The following DNAH11 variants were observed in gnomAD, a reference collection of about 807,000 sequenced individuals.
DNAH11 encodes the protein axonemal beta dynein heavy chain 11.
Under a neutral mutation model 526.0 loss-of-function variants are expected in DNAH11, and 442 were observed. That is an observed-to-expected ratio of 0.84 (90% CI 0.78 to 0.91). The LOEUF (loss-of-function observed/expected upper bound fraction) is 0.91. Among genes scored for constraint, DNAH11 ranks in the 40% least tolerant of loss-of-function variants. The probability of loss-of-function intolerance (pLI) is 0.00; values close to 1 mark genes in which losing one functional copy is unlikely to be tolerated. For missense variants in DNAH11, 6,989 were observed against 5,448.7 expected, an observed-to-expected ratio of 1.28 and a Z score of -8.90; for synonymous variants, 2,461 against 1,935.9, an observed-to-expected ratio of 1.27 and a Z score of -7.12.
chr7:21,765,599 G>C lies in DNAH11; in HGVS notation c.9102+10G>C. ...AACCAAGGGAATTGAGGTATGCCGT[G>C]TCAGCCTGCGTCACACACACACACA... On this transcript the variant is annotated intron_variant, in intron 55 of 81. Coordinates refer to ENST00000409508, the MANE Select transcript of DNAH11 (RefSeq NM_001277115.2). 3 of 1,524,594 alleles carry C rather than the reference G, an allele frequency of 2.0e-6. No individual in the cohort carries two copies. The highest frequency in any genetic ancestry group is 1.9e-4 in the Middle Eastern group (1 of 5,172). The allele number at this position is 1,524,594 out of a possible 1,614,324, so 94.4% of individuals were successfully genotyped here.
chr7:21,663,418 T>C (rs547794305), intron 30 of DNAH11, among the ~76,000 whole-genome samples: 1 of 152,220 alleles, frequency 6.6e-6, no homozygotes, highest in East Asian at 1.9e-4. Flanking sequence ...TCCATAGGGG[T>C]TGTGCTAATT....
intron 79 of DNAH11, among the ~76,000 whole-genome samples, chr7:21,897,837 G>T (rs142127139): frequency 6.6e-6 from 1 of 152,012 alleles, no homozygotes; most frequent in Admixed American, 6.6e-5. Context: ...GGCTGGTCTC[G>T]AACACCTGAC....
rs1787139063 is a variant in DNAH11 at position 21,765,559 on chromosome 7, G to T, written c.9072G>T (p.Arg3024Ser). The change falls in exon 55 of 82, where the codon AGG becomes AGT. Residue 3024 changes from arginine (R) to serine (S), a missense_variant. Transcript: ENST00000409508. ...WPQEALVSVS[R>S]RFIEETKGIE... ...AGGAGGCTCTGGTCTCCGTCAGCAG[G>T]AGGTTCATTGAGGAAACCAAGGGAA... 1 of 1,603,102 alleles carries T rather than the reference G, an allele frequency of 6.2e-7. No individual in the cohort carries two copies. The highest frequency in any genetic ancestry group is 8.5e-7 in the Non-Finnish European group (1 of 1,172,712).
Position 21,787,407 on chromosome 7 carries a change from G to A in DNAH11, c.9748G>A (p.Asp3250Asn). The change falls in exon 60 of 82, where the codon GAT (aspartate) becomes AAT (asparagine). Residue 3250 changes from aspartate to asparagine, a missense_variant. Physicochemically the swap from Asp to Asn is conservative, Grantham distance 23. Coordinates refer to ENST00000409508, the MANE Select transcript of DNAH11 (RefSeq NM_001277115.2). ...AAKVFMGKVD[D>N]FLQALINYDK... is the part of the protein sequence containing the mutation. ...AAATCTTTTTGCTTTGCAGGTTGATGATTTTTTGCAAGCATTAATTAACTA... is the reference window on the plus strand; with the variant it reads ...AAATCTTTTTGCTTTGCAGGTTGATAATTTTTTGCAAGCATTAATTAACTA... 3.1e-6 allele frequency: 5 copies of A among 1,601,640 alleles called. No individual in the cohort carries two copies. In the East Asian group the frequency reaches 6.7e-5, roughly 22 times the overall value.
rs966634677 is a variant in DNAH11 at position 21,589,753 on chromosome 7, T to G, written c.2169+350T>G. 2.6e-5 allele frequency among the ~76,000 whole-genome samples: 4 copies of G among 152,196 alleles called. No individual in the cohort carries two copies. In the East Asian group the frequency reaches 7.7e-4, roughly 29 times the overall value. ...GTTAGCTCAACTGAATTGAATCATT[T>G]GTCTTTGCCGGACAGTTTCTGGCTT... On this transcript the variant is annotated intron_variant, in intron 12 of 81. Coordinates refer to ENST00000409508, the MANE Select transcript of DNAH11 (RefSeq NM_001277115.2).
chr7:21,899,213 C>A (rs1386822700), intron 79 of DNAH11, 123 bp from the exon 80 acceptor site: 6 of 741,190 alleles, frequency 8.1e-6, no homozygotes, highest in Non-Finnish European at 1.5e-5. Context: ...AAGGATTTTA[C>A]CAGCTAGCAG....
chr7:21,619,948 A>T lies in DNAH11; in HGVS notation c.4378-8A>T, dbSNP rs1307735486. Reference sequence around the variant, plus strand: ...TTTGTGCACATTAATTATATTGTTGATTACTAGGTTATTACTGAAATCAGT... The same window carrying T: ...TTTGTGCACATTAATTATATTGTTGTTTACTAGGTTATTACTGAAATCAGT... On this transcript the variant is annotated splice_region_variant and splice_polypyrimidine_tract_variant and intron_variant, in intron 24 of 81. Coordinates refer to ENST00000409508, the MANE Select transcript of DNAH11 (RefSeq NM_001277115.2). 6.4e-7 allele frequency: 1 copy of T among 1,559,292 alleles called. No homozygotes were observed. The highest frequency in any genetic ancestry group is 8.7e-7 in the Non-Finnish European group (1 of 1,150,966).
intron 7 of DNAH11, 102 bp downstream of exon 7, chr7:21,570,401 G>A: frequency 3.2e-6 from 3 of 929,898 alleles, no homozygotes; most frequent in South Asian, 3.7e-5. Flanking sequence ...ATCATAGGTG[G>A]AGGTCTCCTT....
intron 65 of DNAH11, among the ~76,000 whole-genome samples, chr7:21,819,109 C>T (rs1352268989): frequency 2.6e-5 from 4 of 152,264 alleles, no homozygotes; most frequent in Non-Finnish European, 4.4e-5. Context: ...CTCCTTATGC[C>T]TCTTCACACA....
intron 42 of DNAH11, among the ~76,000 whole-genome samples, chr7:21,713,265 C>T (rs2128481612): frequency 6.6e-6 from 1 of 152,302 alleles, no homozygotes; most frequent in African/African-American, 2.4e-5. Context: ...ACACTCCATC[C>T]TTCTCACCCT....
At chr7:21,645,387 G>C (rs1787308467) in intron 28 of DNAH11, among the ~76,000 whole-genome samples, 1 of 152,152 alleles carries the variant, frequency 6.6e-6, no homozygotes. Flanking sequence ...GCACTGAAGA[G>C]CATTTAAAGA....
chr7:21,555,572 C>T (rs555767512), intron 2 of DNAH11, among the ~76,000 whole-genome samples: 39 of 152,308 alleles, frequency 2.6e-4, no homozygotes, highest in African/African-American at 7.9e-4. Flanking sequence ...ATTCGAACTC[C>T]GCACTTGCTT....
chr7:21,789,808 T>TCTTTCTTTCTTTCTTTCTTTCTTTTTTC, intron 61 of DNAH11, among the ~76,000 whole-genome samples: 2 of 34,082 alleles, frequency 5.9e-5, no homozygotes, highest in Non-Finnish European at 1.5e-4. Flanking sequence ...TTTCTTTCTT[T>TCTTTCTTTCTTTCTTTCTTTCTTTTTTC]TTTCTTTCTT....
Position 21,606,692 on chromosome 7 carries a change from C to G in DNAH11, c.3811C>G (p.Leu1271Val). Residue 1271 changes from leucine (L) to valine (V), a missense_variant, in exon 20 of 82, where the codon CTT becomes GTT. Leu to Val is a conservative substitution (Grantham distance 32). Coordinates refer to ENST00000409508, the MANE Select transcript of DNAH11 (RefSeq NM_001277115.2). ...AGAGAGATTCAGACACTATGCCCCT[C>G]TTGGATTTAATGCAGAAAATCCATA... ...FRERFRHYAP[L>V]GFNAENPYTA... 6.2e-7 allele frequency: 1 copy of G among 1,608,610 alleles called. No homozygotes were observed. The highest frequency in any genetic ancestry group is 2.2e-5 in the East Asian group (1 of 44,628).
At chr7:21,707,601 A>T in intron 39 of DNAH11, 98 bp from the exon 40 acceptor site, 1 of 1,413,016 alleles carries the variant, frequency 7.1e-7, no homozygotes, top group Non-Finnish European at 9.5e-7. Flanking sequence ...AGCATCTAGG[A>T]ACATATAATG....
At chr7:21,563,201 A>C (rs1352105862) in intron 5 of DNAH11, among the ~76,000 whole-genome samples, 3 of 151,612 alleles carry the variant, frequency 2.0e-5, no homozygotes, top group African/African-American at 7.3e-5. Flanking sequence ...TTTTTGTTTG[A>C]TTTTTTTCTT....
chr7:21,785,212 A>G (rs868080913), intron 58 of DNAH11, among the ~76,000 whole-genome samples: 10 of 152,192 alleles, frequency 6.6e-5, no homozygotes, highest in Non-Finnish European at 1.2e-4. Context: ...TTCCATTTCA[A>G]AAAGGAAAGA....
At chr7:21,631,185 C>G (rs918328007) in intron 25 of DNAH11, among the ~76,000 whole-genome samples, 4 of 152,170 alleles carry the variant, frequency 2.6e-5, no homozygotes, top group Non-Finnish European at 4.4e-5. Flanking sequence ...GGCTTATTCA[C>G]AGTCACGAGA....
chr7:21,775,759 A>G (rs1390389149), intron 56 of DNAH11, among the ~76,000 whole-genome samples: 1 of 152,126 alleles, frequency 6.6e-6, no homozygotes, highest in African/African-American at 2.4e-5. Flanking sequence ...CCTTTCCATA[A>G]GAAAGATTTT....
Sources: gnomAD v4.1 joint callset for allele counts (sites outside exome capture counted in the v4.1 genomes callset) on GRCh38, gnomAD v4.1.1 for gene constraint, MANE v1.5 for transcripts, NCBI Gene and HGNC (gene_info 2026-07-23, HGNC 2026-07-21) for gene names.